RADIL: variants seen among roughly 807,000 people sequenced by gnomAD.
RADIL encodes Rap associating with DIL domain.
In RADIL, 99 loss-of-function variants were observed where a neutral mutation model predicts 97.6. The ratio of observed to expected loss-of-function variants is 1.01; its 90% CI spans 0.86 to 1.20. The LOEUF is 1.20. Ranked by LOEUF, RADIL falls within the 50% of genes most tolerant of loss-of-function variation. The pLI is 0.00. For synonymous variants in RADIL, 803 were observed against 691.8 expected, an observed-to-expected ratio of 1.16 and a Z score of -2.52; for missense variants, 1,765 against 1,498.9, an observed-to-expected ratio of 1.18 and a Z score of -2.93.
intron 2 of RADIL, among the ~76,000 whole-genome samples, chr7:4,844,263 G>A (rs1417012035): frequency 6.6e-6 from 1 of 152,154 alleles, no homozygotes; most frequent in Non-Finnish European, 1.5e-5. Context: ...GGCCAACATG[G>A]TAAAACCCTG....
chr7:4,844,359 T>C (rs1184404672), intron 2 of RADIL, among the ~76,000 whole-genome samples: 1 of 151,684 alleles, frequency 6.6e-6, no homozygotes, highest in Non-Finnish European at 1.5e-5. Context: ...GCAGGAGAAT[T>C]GCTTGAACCC....
Position 4,824,895 on chromosome 7 carries a change from G to C in RADIL, c.1455-2341C>G, listed in dbSNP as rs781377935. Among the ~76,000 whole-genome samples, 6 of 152,224 alleles carry C rather than the reference G, an allele frequency of 3.9e-5. No individual in the cohort carries two copies. Among genetic ancestry groups the C allele is most frequent in the Non-Finnish European group, 8.8e-5 (6 of 68,040 alleles). Reference sequence around the variant, plus strand: ...CAATTTCACCGGAACCCGGAGGGTAGACAGGCCTGTCCCAGGAAACAAGTG... The same window carrying C: ...CAATTTCACCGGAACCCGGAGGGTACACAGGCCTGTCCCAGGAAACAAGTG... On this transcript the variant is annotated intron_variant, in intron 5 of 14. Coordinates refer to ENST00000399583, the MANE Select transcript of RADIL (RefSeq NM_018059.5). This position sits in a 1 kb window ranked among gnomAD's most constrained non-coding sequence, Gnocchi z 6.7.
intron 9 of RADIL, 43 bp from the exon 10 acceptor site, chr7:4,805,759 C>G (rs766487025): frequency 6.3e-7 from 1 of 1,579,164 alleles, no homozygotes; most frequent in African/African-American, 1.3e-5. Flanking sequence ...TCTCTGGGTG[C>G]AGACCCCAGC....
At chr7:4,836,262 G>T in intron 3 of RADIL, 96 bp downstream of exon 3, 1 of 1,518,766 alleles carries the variant, frequency 6.6e-7, no homozygotes, top group South Asian at 1.2e-5. Flanking sequence ...GCTCGCGGCC[G>T]ACTGGGCTAA....
At chr7:4,877,147 C>G (rs1238505514) in intron 2 of RADIL, among the ~76,000 whole-genome samples, 1 of 152,228 alleles carries the variant, frequency 6.6e-6, no homozygotes, top group Non-Finnish European at 1.5e-5. Context: ...CGTAGACAAA[C>G]TACAACTTCC....
intron 2 of RADIL, chr7:4,858,103 A>G (rs1015143594): frequency 6.6e-6 from 1 of 152,584 alleles, no homozygotes; most frequent in Non-Finnish European, 1.5e-5. Flanking sequence ...GTGAAACGGC[A>G]AAGATGTGAG....
chr7:4,816,313 C>T lies in RADIL; in HGVS notation c.1881G>A (p.Gln627=). ...QAALDLLRQL[Q]VHPEVASQML... The stretch of plus-strand genomic sequence containing the variant: ...TCTGCGAGGCCACCTCGGGGTGCAC[C>T]TGCAGCTGCCGCAGGAGGTCCAGGG... The change falls in exon 8 of 15, where the codon CAG becomes CAA. Residue 627 remains glutamine (Q), a synonymous_variant. Transcript: ENST00000399583. 1 of 1,612,316 alleles carries T rather than the reference C, an allele frequency of 6.2e-7. No individual in the cohort carries two copies. The highest frequency in any genetic ancestry group is 8.5e-7 in the Non-Finnish European group (1 of 1,179,748).
rs969683421 is a variant in RADIL, at chr7:4,878,320, G to T, written c.-64-117C>A. 4 of 671,172 alleles carry T rather than the reference G, an allele frequency of 6.0e-6. No homozygotes were observed. The highest frequency in any genetic ancestry group is 9.8e-6 in the Non-Finnish European group (4 of 406,984). 41.6% of individuals were successfully genotyped at this position (671,172 alleles called of 1,614,324 possible). ...GCGCTTTAGAAGGCCAAGGTGGGAG[G>T]ACGGCTTGAGCCCGGGAGTTCCAGA... On this transcript the variant is annotated intron_variant, in intron 1 of 14. Coordinates refer to ENST00000399583, the MANE Select transcript of RADIL (RefSeq NM_018059.5). The surrounding 1 kb of genome is among the most constrained non-coding windows in gnomAD (Gnocchi z 4.1).
rs769367684 is a variant in RADIL at position 4,803,588 on chromosome 7, AGGGCTGCCGGGG to A, written c.2445_2456del (p.Pro816_Pro819del). Reference sequence around the variant, plus strand: ...GGGAGGCCCCACTGCCAGGCCTGCCAGGGCTGCCGGGGCTGGCTCTGCTCCGCAGACCCCACA... The same window carrying A: ...GGGAGGCCCCACTGCCAGGCCTGCCACTGGCTCTGCTCCGCAGACCCCACA... On this transcript the variant is annotated inframe_deletion, in exon 11 of 15. Transcript: ENST00000399583. 3.4e-4 allele frequency: 519 copies of A among 1,547,544 alleles called. 2 individuals are homozygous for A. The highest frequency in any genetic ancestry group is 3.7e-4 in the Admixed American group (19 of 50,970).
At chr7:4,809,520 G>T (rs1480841685) in intron 9 of RADIL, 1 of 985,120 alleles carries the variant, frequency 1.0e-6, no homozygotes, top group African/African-American at 1.7e-5. Flanking sequence ...CAAGAACGTG[G>T]GCGGCGGCTG....
Position 4,878,023 on chromosome 7 carries a change from CA to C in RADIL, c.116del (p.Leu39ArgfsTer27). The part of the protein sequence containing the change: ...SRTLSYKYRD[L>X]DSTFSSLGAS... ...CGCCCAGGCTGGAGAAGGTGGAGTC[CA>C]GGTCCCGGTACTTGTAGCTCAGCGT... On this transcript the variant is annotated frameshift_variant, in exon 2 of 15. Transcript: ENST00000399583. LOFTEE classifies it high-confidence loss of function. This position sits in a 1 kb window ranked among gnomAD's most constrained non-coding sequence, Gnocchi z 4.1. The C allele has an allele frequency of 6.2e-7, 1 of 1,610,014 alleles. No individual in the cohort carries two copies. Among genetic ancestry groups the C allele is most frequent in the Non-Finnish European group, 8.5e-7 (1 of 1,179,002 alleles).
intron 2 of RADIL, among the ~76,000 whole-genome samples, chr7:4,841,244 AC>A (rs1032442080): frequency 1.3e-5 from 2 of 152,082 alleles, no homozygotes; most frequent in African/African-American, 4.8e-5. Context: ...TTCTTCAAGG[AC>A]CCCTGGGAAT....
In RADIL at chr7:4,818,958, G is replaced by A. The variant is rs1782752608; in HGVS notation, c.1616-1607C>T. On this transcript the variant is annotated intron_variant, in intron 6 of 14. Coordinates refer to ENST00000399583, the MANE Select transcript of RADIL (RefSeq NM_018059.5). This position sits in a 1 kb window ranked among gnomAD's most constrained non-coding sequence, Gnocchi z 7.1. The stretch of plus-strand genomic sequence containing the variant: ...GGTAGAGATGGGATCTCACTATGTT[G>A]CCCAGGCTGGTCTGGAACTCCAATC... Among the ~76,000 whole-genome samples the A allele has an allele frequency of 6.6e-6, 1 of 151,946 alleles. No homozygotes were observed. The highest frequency in any genetic ancestry group is 2.1e-4 in the South Asian group (1 of 4,808).
At chr7:4,851,028 C>T (rs1420029683) in intron 2 of RADIL, among the ~76,000 whole-genome samples, 1 of 151,808 alleles carries the variant, frequency 6.6e-6, no homozygotes, top group Middle Eastern at 3.2e-3. Context: ...ATGGTGAAAC[C>T]CCATCTCTAC....
chr7:4,832,115 G>A lies in RADIL; in HGVS notation c.1454+26C>T, dbSNP rs758110397. Reference sequence around the variant, plus strand: ...CCCCCAGGACCTGCTGCCCAGAGGCGGGCACAATAACCGGGTCATACTCAC... The same window carrying A: ...CCCCCAGGACCTGCTGCCCAGAGGCAGGCACAATAACCGGGTCATACTCAC... On this transcript the variant is annotated intron_variant, in intron 5 of 14. Coordinates refer to ENST00000399583, the MANE Select transcript of RADIL (RefSeq NM_018059.5). 2.6e-5 allele frequency: 41 copies of A among 1,604,916 alleles called. No individual in the cohort carries two copies. The African/African-American group carries it at 3.5e-4, about 14-fold the overall frequency.
intron 5 of RADIL, among the ~76,000 whole-genome samples, chr7:4,831,402 G>A (rs148637110): frequency 0.012 from 1,793 of 152,048 alleles, 35 homozygotes; most frequent in African/African-American, 0.041. Flanking sequence ...CTGGGAGGAG[G>A]GAGAGGATCA....
intron 2 of RADIL, among the ~76,000 whole-genome samples, chr7:4,863,745 A>C (rs138762535): frequency 6.6e-6 from 1 of 152,146 alleles, no homozygotes; most frequent in Non-Finnish European, 1.5e-5. Flanking sequence ...TTTTTCACTC[A>C]ATGTGTCACC....
chr7:4,804,717 G>A (rs1782236141), intron 10 of RADIL, among the ~76,000 whole-genome samples: 1 of 151,984 alleles, frequency 6.6e-6, no homozygotes, highest in Non-Finnish European at 1.5e-5. Context: ...AACCCAGGAG[G>A]TGGAGGTTCC....
rs758912031 is a variant in RADIL at position 4,799,625 on chromosome 7, G to C, written c.3122+5C>G. 1.8e-5 allele frequency: 29 copies of C among 1,605,360 alleles called. No individual in the cohort carries two copies. Among genetic ancestry groups the C allele is most frequent in the Non-Finnish European group, 2.4e-5 (28 of 1,176,140 alleles). On this transcript the variant is annotated splice_donor_5th_base_variant and intron_variant, in intron 14 of 14. Coordinates refer to ENST00000399583, the MANE Select transcript of RADIL (RefSeq NM_018059.5). ...AGGGGCCGGGCGTGCATGCGGTGGG[G>C]GTACCTCAGGTAGCCAAGGCCCAGG...
Sources: gnomAD v4.1 joint callset for allele counts (sites outside exome capture counted in the v4.1 genomes callset) on GRCh38, gnomAD v4.1.1 for gene constraint, Gnocchi (gnomAD v3.1) non-coding constraint, MANE v1.5 for transcripts, NCBI Gene and HGNC (gene_info 2026-07-23, HGNC 2026-07-21) for gene names.